C12orf76: variants seen among roughly 807,000 people sequenced by gnomAD.
C12orf76 encodes chromosome 12 open reading frame 76, also known as uncharacterized protein C12orf76.
Under a neutral mutation model 6.8 loss-of-function variants are expected in C12orf76, and 6 were observed. The observed-to-expected ratio is 0.88, with a 90% CI of 0.48 to 1.73. The LOEUF is 1.73. Among genes scored for constraint, C12orf76 ranks in the 40% most tolerant of loss-of-function variants. C12orf76 has a pLI of 0.01. For missense variants in C12orf76, 99 were observed against 98.2 expected (o/e 1.01, Z -0.03); for synonymous variants, 56 against 43.7 (o/e 1.28, Z -1.11).
upstream of C12orf76, among the ~76,000 whole-genome samples, chr12:110,069,388 C>G (rs1397958445): frequency 6.6e-6 from 1 of 151,976 alleles, no homozygotes; most frequent in Non-Finnish European, 1.5e-5. Context: ...TGCAATGAGC[C>G]GAGATCACAC....
intron 2 of C12orf76, among the ~76,000 whole-genome samples, chr12:110,063,952 T>C (rs1892819031): frequency 6.6e-6 from 1 of 152,040 alleles, no homozygotes; most frequent in Non-Finnish European, 1.5e-5. Flanking sequence ...ACCAATGAGC[T>C]TGGAAGTGAC....
upstream of C12orf76, chr12:110,050,963 G>T (rs911673715): frequency 1.4e-5 from 10 of 731,368 alleles, no homozygotes; most frequent in Non-Finnish European, 1.0e-5. Flanking sequence ...CTTTGGGTAA[G>T]TGTTGGGGTC....
chr12:110,041,933 CTG>C lies in C12orf76; in HGVS notation c.*439_*440del, dbSNP rs1892323512. On this transcript the variant is annotated 3_prime_UTR_variant, in exon 2 of 2. Transcript: ENST00000615315. ...CTCAGGTGAGATTAAAAAAAAAAAT[CTG>C]TGATTCTTAACCCACTGTAACCAAA... is the stretch of plus-strand genomic sequence containing the variant. The C allele has an allele frequency of 6.2e-6, 1 of 162,492 alleles. No individual in the cohort carries two copies. The highest frequency in any genetic ancestry group is 1.4e-5 in the Non-Finnish European group (1 of 73,682). The allele number at this position is 162,492 out of a possible 1,614,324, so 10.1% of individuals were successfully genotyped here.
At chr12:110,055,682 A>T (rs766386578) in intron 4 of C12orf76, among the ~76,000 whole-genome samples, 1 of 152,144 alleles carries the variant, frequency 6.6e-6, no homozygotes, top group Non-Finnish European at 1.5e-5. Context: ...TCCCCTAGCA[A>T]TCAGGGAATG....
At chr12:110,068,326 AAGAAGG>A (rs1459168847), upstream of C12orf76, among the ~76,000 whole-genome samples, 53 of 129,944 alleles carry the variant, frequency 4.1e-4, 1 homozygote, top group Admixed American at 2.1e-3. Context: ...GAAGAAGAAG[AAGAAGG>A]CGGCCAAATA....
At chr12:110,049,420 G>A, upstream of C12orf76, 1 of 152,310 alleles carries the variant, frequency 6.6e-6, no homozygotes, top group East Asian at 1.9e-4. Context: ...AAGAGAGTAA[G>A]CAAAGGGTGG....
chr12:110,057,260 G>A (rs779368383), exon 4 of C12orf76: 13 of 1,613,984 alleles, frequency 8.1e-6, no homozygotes, highest in Non-Finnish European at 1.1e-5. Context: ...CAGGGAGGAT[G>A]TGCCTTTCAG....
upstream of C12orf76, chr12:110,049,489 T>G (rs1196986789): frequency 6.6e-6 from 1 of 152,232 alleles, no homozygotes; most frequent in Non-Finnish European, 1.5e-5. Context: ...GAGCAATGTT[T>G]TGCGGGCAGG....
Position 110,065,771 on chromosome 12 carries a change from C to A in C12orf76, n.380+89G>T, listed in dbSNP as rs1284193983. ...GATGGTTTCACTTCTCTGCATAATACTTTTCAGTGGCTTCCCATGGCACTG... is the reference window on the plus strand; with the variant it reads ...GATGGTTTCACTTCTCTGCATAATAATTTTCAGTGGCTTCCCATGGCACTG... On this transcript the variant is annotated intron_variant and non_coding_transcript_variant, in intron 2 of 4. Transcript: ENST00000309050. The A allele has an allele frequency of 4.3e-6, 7 of 1,609,954 alleles. No individual in the cohort carries two copies. The African/African-American group carries it at 5.3e-5, about 12-fold the overall frequency.
chr12:110,072,233 C>T (rs1348533119), upstream of C12orf76, among the ~76,000 whole-genome samples: 1 of 150,864 alleles, frequency 6.6e-6, no homozygotes, highest in Admixed American at 6.6e-5. Flanking sequence ...TTGAGACCAA[C>T]CTGGGCAACA....
intron 2 of C12orf76, among the ~76,000 whole-genome samples, chr12:110,060,630 T>A (rs1253321480): frequency 1.3e-5 from 2 of 152,152 alleles, no homozygotes; most frequent in Non-Finnish European, 2.9e-5. Context: ...GGTTAGCCCT[T>A]CTCCGGGGTC....
At chr12:110,068,315 A>AGAG (rs1555253425), upstream of C12orf76, among the ~76,000 whole-genome samples, 16 of 144,724 alleles carry the variant, frequency 1.1e-4, no homozygotes, top group African/African-American at 3.8e-4. Context: ...AAGAAGAAGA[A>AGAG]GAAGAAGAAG....
At chr12:110,056,710 C>T (rs1215677302) in intron 4 of C12orf76, among the ~76,000 whole-genome samples, 2 of 152,130 alleles carry the variant, frequency 1.3e-5, no homozygotes, top group African/African-American at 2.4e-5. Context: ...TGAATTGTAG[C>T]TCCCATAATT....
At chr12:110,048,341 CG>C (rs1350114782) in intron 1 of C12orf76, 21 bp downstream of exon 1, 1 of 1,484,750 alleles carries the variant, frequency 6.7e-7, no homozygotes, top group East Asian at 2.7e-5. Context: ...ACCCGCCGCC[CG>C]CCAGCCCGAG....
chr12:110,054,004 G>A (rs922272959), upstream of C12orf76, among the ~76,000 whole-genome samples: 1 of 152,030 alleles, frequency 6.6e-6, no homozygotes, highest in Non-Finnish European at 1.5e-5. The surrounding 1 kb of genome is among the most constrained non-coding windows in gnomAD (Gnocchi z 4.4). Flanking sequence ...GGGCCCAGGA[G>A]GTCAAGGCTA....
Position 110,056,683 on chromosome 12 carries a change from C to T in C12orf76, n.664+506G>A, listed in dbSNP as rs79514839. On this transcript the variant is annotated intron_variant and non_coding_transcript_variant, in intron 4 of 4. Coordinates refer to the C12orf76 transcript ENST00000309050. Reference sequence around the variant, plus strand: ...CCATTGATATGGTTTGGCTGTGTCCCCACCCAAATCTCATCTTGAATTGTA... The same window carrying T: ...CCATTGATATGGTTTGGCTGTGTCCTCACCCAAATCTCATCTTGAATTGTA... 2.3e-3 allele frequency among the ~76,000 whole-genome samples: 347 copies of T among 152,190 alleles called. 2 individuals carry two copies. The highest frequency in any genetic ancestry group is 8.0e-3 in the African/African-American group (334 of 41,532).
chr12:110,053,970 G>A (rs942445279), upstream of C12orf76, among the ~76,000 whole-genome samples: 1 of 152,152 alleles, frequency 6.6e-6, no homozygotes, highest in Non-Finnish European at 1.5e-5. Context: ...TGTAGAGATG[G>A]AGGCCAAGGT....
chr12:110,058,021 G>T (rs940319056), intron 3 of C12orf76, among the ~76,000 whole-genome samples: 1 of 129,464 alleles, frequency 7.7e-6, no homozygotes, highest in Non-Finnish European at 1.5e-5. Context: ...CCAAGATCAC[G>T]CCATTGCAAA....
At chr12:110,069,503 G>A (rs1469196336), upstream of C12orf76, among the ~76,000 whole-genome samples, 1 of 152,200 alleles carries the variant, frequency 6.6e-6, no homozygotes, top group Admixed American at 6.5e-5. Context: ...CCCTTAAATT[G>A]TCCACATAGC....
Sources: allele counts gnomAD v4.1 joint callset (sites outside exome capture counted in the v4.1 genomes callset), GRCh38; gene constraint gnomAD v4.1.1; non-coding constraint Gnocchi (gnomAD v3.1); transcripts MANE v1.5; gene names NCBI Gene and HGNC (gene_info 2026-07-23, HGNC 2026-07-21).